The following MEN1 variants were observed in gnomAD, a reference collection of about 807,000 sequenced individuals.
The protein encoded by MEN1 is menin 1, also known as menin.
A neutral mutation model predicts 58.0 loss-of-function variants in MEN1; 6 were observed. The observed-to-expected ratio is 0.10, with a 90% CI of 0.06 to 0.20. The LOEUF is 0.20. Ranked by LOEUF, MEN1 falls within the 10% of genes least tolerant of loss-of-function variation. The probability of loss-of-function intolerance (pLI) is 1.00; values close to 1 mark genes in which losing one functional copy is unlikely to be tolerated. For missense variants in MEN1, 492 were observed against 818.5 expected, an observed-to-expected ratio of 0.60 and a Z score of 4.87; for synonymous variants, 346 against 350.7, an observed-to-expected ratio of 0.99 and a Z score of 0.15.
At chr11:64,809,188 A>T (rs1941945598) in intron 2 of MEN1, among the ~76,000 whole-genome samples, 1 of 145,094 alleles carries the variant, frequency 6.9e-6, no homozygotes, top group Non-Finnish European at 1.5e-5. Flanking sequence ...CTCTGAGCCC[A>T]GGGAGACTGA....
Position 64,810,499 on chromosome 11 carries a change from G to A in MEN1, c.-24+15C>T, listed in dbSNP as rs1281698258. On this transcript the variant is annotated intron_variant, in intron 1 of 9. Coordinates refer to ENST00000450708, the MANE Select transcript of MEN1 (RefSeq NM_001370259.2). Reference sequence around the variant, plus strand: ...AACCCCAAGGAGAGTCCTGGCCTCGGTCCCCCTCGCCCACCTCCGCGCTTA... The same window carrying A: ...AACCCCAAGGAGAGTCCTGGCCTCGATCCCCCTCGCCCACCTCCGCGCTTA... The A allele has an allele frequency of 9.6e-6, 2 of 209,114 alleles. No homozygotes were observed. The highest frequency in any genetic ancestry group is 9.2e-5 in the East Asian group (1 of 10,898). The allele number at this position is 209,114 out of a possible 1,614,324, so 13.0% of individuals were successfully genotyped here. A position where few individuals can be genotyped will look rare whatever the true frequency, so the allele number is the denominator to read the frequency against.
At chr11:64,808,157 G>A (rs2136162053) in intron 2 of MEN1, 58 bp from the exon 3 acceptor site, 2 of 1,498,750 alleles carry the variant, frequency 1.3e-6, no homozygotes, top group South Asian at 2.4e-5. Flanking sequence ...GGGGAAAGGG[G>A]GCCAGGTAGT....
At position 64,804,815 on chromosome 11, in the gene MEN1, A is replaced by C. The variant is rs763514855; in HGVS notation, c.1352T>G (p.Val451Gly). ...VQSLGRFEGQ[V>G]RQKVRIVSRE... ...GCTCACTATGCGCACCTTCTGCCGC[A>C]CCTGGGCCAGTGGGGAGAGCAAGGT... The change falls in exon 10 of 10, where the codon GTG (valine) becomes GGG (glycine). Residue 451 changes from valine (V) to glycine (G), a missense_variant and splice_region_variant. Physicochemically the swap from Val to Gly is moderately radical, Grantham distance 109. This residue lies in a region of MEN1 where 45 missense variants were observed against 66.9 expected (regional missense o/e 0.67). Transcript: ENST00000450708. This position sits in a 1 kb window ranked among gnomAD's most constrained non-coding sequence, Gnocchi z 4.2. 6.3e-7 allele frequency: 1 copy of C among 1,596,768 alleles called. No homozygotes were observed. The highest frequency in any genetic ancestry group is 8.5e-7 in the Non-Finnish European group (1 of 1,179,014).
In MEN1 at chr11:64,809,989, G is replaced by A. The variant is rs1441672096; in HGVS notation, c.121C>T (p.Leu41=). The A allele has an allele frequency of 3.1e-6, 5 of 1,598,432 alleles. No homozygotes were observed. The highest frequency in any genetic ancestry group is 1.7e-5 in the Admixed American group (1 of 57,606). The change falls in exon 2 of 10, where the codon CTG becomes TTG. Residue 41 remains leucine, a synonymous_variant. Transcript: ENST00000450708. ...GCCAGAAAATGCTCCACGAAGCCCA[G>A]CACCAAGGAAAGGAGCACCAGGTCC... is the stretch of plus-strand genomic sequence containing the variant. ...EPDLVLLSLV[L]GFVEHFLAVN...
In MEN1 at chr11:64,807,781, A is replaced by G; in HGVS notation, c.655-101T>C. On this transcript the variant is annotated intron_variant, in intron 3 of 9. Transcript: ENST00000450708. This position sits in a 1 kb window ranked among gnomAD's most constrained non-coding sequence, Gnocchi z 4.9. Reference sequence around the variant, plus strand: ...AGGGGCTCTTCTGTCTTCCCTTCCTATGTGGGTGGTGATGGGAAGAAAGGG... The same window carrying G: ...AGGGGCTCTTCTGTCTTCCCTTCCTGTGTGGGTGGTGATGGGAAGAAAGGG... 1 of 1,606,946 alleles carries G rather than the reference A, an allele frequency of 6.2e-7. No homozygotes were observed. The highest frequency in any genetic ancestry group is 8.5e-7 in the Non-Finnish European group (1 of 1,174,484).
rs1425022697 is a variant in MEN1, at chr11:64,808,095, G to A, written c.450C>T (p.Thr150=). ...IQSLFSFITG[T]KLDSSGVAFA... Reference sequence around the variant, plus strand: ...AGGCCACACCGGAGCTGTCCAATTTGGTGCCTGTGGAAGGGGGAGGTAATG... The same window carrying A: ...AGGCCACACCGGAGCTGTCCAATTTAGTGCCTGTGGAAGGGGGAGGTAATG... The change falls in exon 3 of 10, where the codon ACC becomes ACT. Residue 150 remains threonine (T), a synonymous_variant. Coordinates refer to ENST00000450708, the MANE Select transcript of MEN1 (RefSeq NM_001370259.2). 2 of 1,610,148 alleles carry A rather than the reference G, an allele frequency of 1.2e-6. No individual in the cohort carries two copies. Among genetic ancestry groups the A allele is most frequent in the Admixed American group, 1.7e-5 (1 of 59,378 alleles).
chr11:64,810,447 A>AT, intron 1 of MEN1, 67 bp downstream of exon 1: 1 of 334,762 alleles, frequency 3.0e-6, no homozygotes, highest in South Asian at 4.6e-5. Flanking sequence ...AAGTCTGTCC[A>AT]GAAAGCGCAC....
At position 64,804,649 on chromosome 11, in the gene MEN1, G is replaced by A. The variant is rs749265222; in HGVS notation, c.1518C>T (p.Thr506=). The change falls in exon 10 of 10, where the codon ACC becomes ACT. Residue 506 remains threonine (T), a synonymous_variant. Transcript: ENST00000450708. The surrounding 1 kb of genome is among the most constrained non-coding windows in gnomAD (Gnocchi z 4.2). ...GGGGTCCTGACACTGCACCCTGGCC[G>A]GTGCCCAGGCCCTTGTCCAGTGCTG... ...KKPALDKGLG[T]GQGAVSGPPR... 5.0e-5 allele frequency: 80 copies of A among 1,600,146 alleles called. No individual in the cohort carries two copies. The highest frequency in any genetic ancestry group is 3.1e-4 in the Admixed American group (18 of 58,904).
At chr11:64,809,037 A>T (rs1592655398) in intron 2 of MEN1, among the ~76,000 whole-genome samples, 1 of 151,730 alleles carries the variant, frequency 6.6e-6, no homozygotes, top group East Asian at 1.9e-4. Context: ...TGAGGCGGGC[A>T]GATCACTTGA....
In MEN1 at chr11:64,809,935, G is replaced by C. The variant is rs1352823623; in HGVS notation, c.175C>G (p.Pro59Ala). 1 of 1,584,916 alleles carries C rather than the reference G, an allele frequency of 6.3e-7. No individual in the cohort carries two copies. Among genetic ancestry groups the C allele is most frequent in the Non-Finnish European group, 8.6e-7 (1 of 1,165,686 alleles). The change falls in exon 2 of 10, where the codon CCC (proline) becomes GCC (alanine). Residue 59 changes from proline to alanine, a missense_variant. Coordinates refer to ENST00000450708, the MANE Select transcript of MEN1 (RefSeq NM_001370259.2). ...GGGCTGGGCTGGAAGGTGAGCTCGG[G>C]AACGTTGGTAGGGATGACGCGGTTG... is the stretch of plus-strand genomic sequence containing the variant. ...AVNRVIPTNV[P>A]ELTFQPSPAP...
rs762303621 is a variant in MEN1 at position 64,805,208 on chromosome 11, G to A, written c.1186-10C>T. ...CTTGGCTCTGGGTGCCCTGGACGAG[G>A]GGGAAGGGAGGGCACAGATCAGTCT... is the stretch of plus-strand genomic sequence containing the variant. On this transcript the variant is annotated splice_polypyrimidine_tract_variant and intron_variant, in intron 8 of 9. Transcript: ENST00000450708. 1.9e-6 allele frequency: 3 copies of A among 1,612,542 alleles called. No individual in the cohort carries two copies. Among genetic ancestry groups the A allele is most frequent in the South Asian group, 1.1e-5 (1 of 90,978 alleles).
At chr11:64,805,558 T>A (rs899991405) in intron 8 of MEN1, 77 bp downstream of exon 8, 1 of 1,569,834 alleles carries the variant, frequency 6.4e-7, no homozygotes. Flanking sequence ...ATCCCGTACA[T>A]GCAGCCCCCA....
rs896947172 is a variant in MEN1 at position 64,809,714 on chromosome 11, G to A, written c.396C>T (p.Ser132=). 1.9e-6 allele frequency: 3 copies of A among 1,614,086 alleles called. No homozygotes were observed. The highest frequency in any genetic ancestry group is 1.6e-4 in the Middle Eastern group (1 of 6,084). ...SDVIWNSLSR[S]YFKDRAHIQS... ...GGATGTGGGCCCGATCCTTGAAGTAGGAGCGGCTGAGGCTGTTCCATATGA... is the reference window on the plus strand; with the variant it reads ...GGATGTGGGCCCGATCCTTGAAGTAAGAGCGGCTGAGGCTGTTCCATATGA... The change falls in exon 2 of 10, where the codon TCC becomes TCT. Residue 132 remains serine (S), a synonymous_variant. Coordinates refer to ENST00000450708, the MANE Select transcript of MEN1 (RefSeq NM_001370259.2).
Position 64,804,679 on chromosome 11 carries a change from C to A in MEN1, c.1488G>T (p.Lys496Asn). ...CCAGGCCCTTGTCCAGTGCTGGCTT[C>A]TTGGGCGGCGGGGGCTCCTCTGGCT... The part of the protein sequence containing the change: ...ESKPEEPPPP[K>N]KPALDKGLGT... The change falls in exon 10 of 10, where the codon AAG (lysine) becomes AAT (asparagine). Residue 496 changes from lysine to asparagine, a missense_variant. Lys to Asn is a moderately conservative substitution (Grantham distance 94). Transcript: ENST00000450708. The surrounding 1 kb of genome is among the most constrained non-coding windows in gnomAD (Gnocchi z 4.2). The A allele has an allele frequency of 6.3e-7, 1 of 1,594,976 alleles. No homozygotes were observed. The highest frequency in any genetic ancestry group is 1.7e-5 in the Admixed American group (1 of 58,334).
chr11:64,809,214 T>C (rs2136172555), intron 2 of MEN1, among the ~76,000 whole-genome samples: 2 of 135,818 alleles, frequency 1.5e-5, no homozygotes, highest in East Asian at 4.4e-4. Context: ...CAGTGAGCCA[T>C]GATCACACCA....
At position 64,807,259 on chromosome 11, in the gene MEN1, G is replaced by A. The variant is rs758652268; in HGVS notation, c.784-40C>T. On this transcript the variant is annotated intron_variant, in intron 4 of 9. Coordinates refer to ENST00000450708, the MANE Select transcript of MEN1 (RefSeq NM_001370259.2). This position sits in a 1 kb window ranked among gnomAD's most constrained non-coding sequence, Gnocchi z 4.9. Reference sequence around the variant, plus strand: ...AGAGAGTTATGAGCCACGGAACAGGGAGGAGAACGGGTCCTTAGCCTATCG... The same window carrying A: ...AGAGAGTTATGAGCCACGGAACAGGAAGGAGAACGGGTCCTTAGCCTATCG... 1 of 1,602,888 alleles carries A rather than the reference G, an allele frequency of 6.2e-7. No homozygotes were observed. Among genetic ancestry groups the A allele is most frequent in the South Asian group, 1.1e-5 (1 of 90,174 alleles).
chr11:64,809,922 A>G lies in MEN1; in HGVS notation c.188T>C (p.Phe63Ser), dbSNP rs1366457977. 1 of 1,586,046 alleles carries G rather than the reference A, an allele frequency of 6.3e-7. No homozygotes were observed. Among genetic ancestry groups the G allele is most frequent in the Admixed American group, 1.8e-5 (1 of 54,536 alleles). Residue 63 changes from phenylalanine (F) to serine (S), a missense_variant, in exon 2 of 10, where the codon TTC becomes TCC. This residue lies in a region of MEN1 where 335 missense variants were observed against 550.3 expected (regional missense o/e 0.61). Coordinates refer to ENST00000450708, the MANE Select transcript of MEN1 (RefSeq NM_001370259.2). ...CGGGTCGGGGGCGGGGCTGGGCTGGAAGGTGAGCTCGGGAACGTTGGTAGG... is the reference window on the plus strand; with the variant it reads ...CGGGTCGGGGGCGGGGCTGGGCTGGGAGGTGAGCTCGGGAACGTTGGTAGG... The part of the protein sequence containing the change: ...VIPTNVPELT[F>S]QPSPAPDPPG...
At chr11:64,806,204 C>T (rs1347137184) in intron 7 of MEN1, 28 bp downstream of exon 7, 3 of 1,613,672 alleles carry the variant, frequency 1.9e-6, no homozygotes, top group Non-Finnish European at 2.5e-6. Flanking sequence ...AAAGGACAGG[C>T]TGCAGGCCCT....
chr11:64,811,115 G>A (rs1187734576), upstream of MEN1: 1 of 151,412 alleles, frequency 6.6e-6, no homozygotes, highest in Non-Finnish European at 1.5e-5. Flanking sequence ...TGTTTGTTTT[G>A]AGACACGGTC....
Sources: gnomAD v4.1 joint callset for allele counts (sites outside exome capture counted in the v4.1 genomes callset) on GRCh38, gnomAD v4.1.1 for gene constraint, gnomAD v4.1.1 regional missense constraint, Gnocchi (gnomAD v3.1) non-coding constraint, MANE v1.5 for transcripts, NCBI Gene and HGNC (gene_info 2026-07-23, HGNC 2026-07-21) for gene names.